Variants in SHISA9 observed in about 807,000 individuals in gnomAD.
The protein encoded by SHISA9 is shisa family member 9, also known as protein shisa-9.
SHISA9 carries 13 observed loss-of-function variants against 38.0 expected under a neutral mutation model. That is an observed-to-expected ratio of 0.34 (90% CI 0.22 to 0.54). The LOEUF (loss-of-function observed/expected upper bound fraction) is 0.54, where lower values mean the gene tolerates loss of function less well. Among genes scored for constraint, SHISA9 ranks in the 20% least tolerant of loss-of-function variants. The probability of loss-of-function intolerance (pLI) is 0.91; values close to 1 mark genes in which losing one functional copy is unlikely to be tolerated. For missense variants in SHISA9, 538 were observed against 575.8 expected (o/e 0.93, Z 0.67); for synonymous variants, 275 against 242.0 (o/e 1.14, Z -1.27).
chr16:13,549,068 G>A, the SHISA9 span, among the ~76,000 whole-genome samples: 2 of 152,214 alleles, frequency 1.3e-5, no homozygotes, highest in Non-Finnish European at 2.9e-5. Flanking sequence ...TTGCAGCAAT[G>A]TGGATGAATC....
chr16:13,158,001 T>C (rs192529226), intron 2 of SHISA9, among the ~76,000 whole-genome samples: 1 of 152,238 alleles, frequency 6.6e-6, no homozygotes, highest in East Asian at 1.9e-4. Context: ...AACAAGTTTT[T>C]TATGTCAGAA....
chr16:13,313,271 A>C, the SHISA9 span, among the ~76,000 whole-genome samples: 483 of 151,814 alleles, frequency 3.2e-3, 1 homozygote, highest in African/African-American at 0.011. Context: ...AAAAAAAAAA[A>C]ACCCAGTTTT....
intron 2 of SHISA9, among the ~76,000 whole-genome samples, chr16:12,967,351 C>G (rs1054454860): frequency 6.6e-6 from 1 of 151,970 alleles, no homozygotes; most frequent in African/African-American, 2.4e-5. Flanking sequence ...TAGGTGGGAA[C>G]TGAACAATGA....
the SHISA9 span, among the ~76,000 whole-genome samples, chr16:13,508,983 T>A: frequency 6.6e-6 from 1 of 152,192 alleles, no homozygotes; most frequent in East Asian, 1.9e-4. Flanking sequence ...ATCAAGGATT[T>A]AATTGCTATA....
intron 2 of SHISA9, among the ~76,000 whole-genome samples, chr16:13,081,685 G>T (rs1479144357): frequency 6.6e-6 from 1 of 151,928 alleles, no homozygotes; most frequent in Non-Finnish European, 1.5e-5. Context: ...TCTCAACACA[G>T]CACTTTAGAG....
chr16:13,273,549 AT>A, the SHISA9 span, among the ~76,000 whole-genome samples: 1 of 152,254 alleles, frequency 6.6e-6, no homozygotes, highest in East Asian at 1.9e-4. Flanking sequence ...TTCTGCCATG[AT>A]TTTGAGGCCT....
rs189954572 is a variant in SHISA9, at chr16:13,160,604, T to C, written c.692-42790T>C. The stretch of plus-strand genomic sequence containing the variant: ...TTGTCAATGCAGTCAAATCAGGAAG[T>C]GCAAACCTAAGTATGGTGCGTGAGA... On this transcript the variant is annotated intron_variant, in intron 2 of 4. Transcript: ENST00000558583. Among the ~76,000 whole-genome samples the C allele has an allele frequency of 1.6e-4, 24 of 152,314 alleles. No homozygotes were observed. In the East Asian group the frequency reaches 4.2e-3, roughly 27 times the overall value.
the SHISA9 span, among the ~76,000 whole-genome samples, chr16:13,462,286 C>G: frequency 1.3e-5 from 2 of 151,828 alleles, no homozygotes; most frequent in African/African-American, 4.8e-5. Context: ...AGAGTCAAAC[C>G]ACTTATTTAA....
chr16:13,017,231 G>T (rs1490629150), intron 2 of SHISA9, among the ~76,000 whole-genome samples: 2 of 152,100 alleles, frequency 1.3e-5, no homozygotes, highest in Admixed American at 1.3e-4. Context: ...TGTTGGCCAG[G>T]CTGGTCTCAA....
the SHISA9 span, among the ~76,000 whole-genome samples, chr16:13,257,887 C>T: frequency 0.018 from 2,802 of 152,210 alleles, 40 homozygotes; most frequent in Non-Finnish European, 0.028. Flanking sequence ...GTGACATAAA[C>T]CTGTGCTTTC....
chr16:12,992,257 C>G (rs1254122799), intron 2 of SHISA9, among the ~76,000 whole-genome samples: 2 of 151,682 alleles, frequency 1.3e-5, no homozygotes, highest in African/African-American at 2.4e-5. Context: ...GGTGTGATGC[C>G]TCATGCCTGT....
the SHISA9 span, among the ~76,000 whole-genome samples, chr16:13,435,326 A>G: frequency 6.6e-6 from 1 of 152,180 alleles, no homozygotes; most frequent in East Asian, 1.9e-4. Context: ...TCTCCCCACA[A>G]GGAATCTGAA....
chr16:13,213,212 G>A (rs766668530), intron 3 of SHISA9, 41 bp from the exon 4 acceptor site: 2 of 1,544,572 alleles, frequency 1.3e-6, no homozygotes, highest in Non-Finnish European at 1.8e-6. Context: ...TGGGTGCCCT[G>A]CAAACAGATC....
At chr16:13,086,353 CAAAAAAAAAA>C (rs767516512) in intron 2 of SHISA9, among the ~76,000 whole-genome samples, 1 of 50,966 alleles carries the variant, frequency 2.0e-5, no homozygotes, top group Middle Eastern at 0.013. Context: ...GATTCCATCT[CAAAAAAAAAA>C]AAAAAAAAAA....
intron 2 of SHISA9, among the ~76,000 whole-genome samples, chr16:13,181,341 G>T (rs1049829975): frequency 7.8e-6 from 1 of 128,292 alleles, no homozygotes; most frequent in Non-Finnish European, 1.7e-5. Flanking sequence ...ACACATATAC[G>T]AGCAAAGTAC....
chr16:12,968,557 C>G (rs2072011657), intron 2 of SHISA9, among the ~76,000 whole-genome samples: 1 of 152,164 alleles, frequency 6.6e-6, no homozygotes, highest in Non-Finnish European at 1.5e-5. Flanking sequence ...GCTTTGTAAT[C>G]GTAAAATGAA....
At chr16:13,276,679 A>AT in the SHISA9 span, among the ~76,000 whole-genome samples, 200 of 152,038 alleles carry the variant, frequency 1.3e-3, no homozygotes, top group African/African-American at 4.7e-3. Flanking sequence ...GATTTTGAAC[A>AT]TTTTTTCATA....
chr16:13,328,391 T>C, the SHISA9 span, among the ~76,000 whole-genome samples: 1 of 151,618 alleles, frequency 6.6e-6, no homozygotes, highest in East Asian at 2.0e-4. Flanking sequence ...AGCAACATTT[T>C]TCTTTTCCTT....
intron 2 of SHISA9, among the ~76,000 whole-genome samples, chr16:13,121,397 C>A (rs2050209380): frequency 6.6e-6 from 1 of 151,936 alleles, no homozygotes. Context: ...GAGATTGAGG[C>A]AGAAGGATTG....
Sources: gnomAD v4.1 joint callset for allele counts (sites outside exome capture counted in the v4.1 genomes callset) on GRCh38, gnomAD v4.1.1 for gene constraint, MANE v1.5 for transcripts, NCBI Gene and HGNC (gene_info 2026-07-23, HGNC 2026-07-21) for gene names.